The following ASPH variants were observed in gnomAD, a reference collection of about 807,000 sequenced individuals.
ASPH encodes aspartate beta-hydroxylase.
In ASPH, 100 loss-of-function variants were observed where a neutral mutation model predicts 118.4. The observed-to-expected ratio is 0.84, with a 90% CI of 0.72 to 1.00. The LOEUF (loss-of-function observed/expected upper bound fraction) is 1.00. Among genes scored for constraint, ASPH ranks in the 50% least tolerant of loss-of-function variants. The pLI, the probability that ASPH is intolerant of heterozygous loss-of-function variation, is 0.00. For missense variants in ASPH, 920 were observed against 919.5 expected, an observed-to-expected ratio of 1.00 and a Z score of -0.01; for synonymous variants, 315 against 325.6, an observed-to-expected ratio of 0.97 and a Z score of 0.35.
intron 14 of ASPH, among the ~76,000 whole-genome samples, chr8:61,598,187 A>G (rs1356646990): frequency 6.6e-6 from 1 of 152,232 alleles, no homozygotes; most frequent in Non-Finnish European, 1.5e-5. Flanking sequence ...TATAATCTGG[A>G]TAAACTGATA....
At chr8:61,546,330 G>A (rs1352547800) in intron 21 of ASPH, among the ~76,000 whole-genome samples, 1 of 152,148 alleles carries the variant, frequency 6.6e-6, no homozygotes, top group Non-Finnish European at 1.5e-5. Context: ...TCCGTGTTTT[G>A]AATTTGAAAG....
intron 13 of ASPH, among the ~76,000 whole-genome samples, chr8:61,621,288 T>A (rs1239664203): frequency 6.6e-6 from 1 of 150,430 alleles, no homozygotes; most frequent in Non-Finnish European, 1.5e-5. Context: ...TGCATTAGTT[T>A]TATATTGTTA....
intron 20 of ASPH, 64 bp from the exon 21 acceptor site, chr8:61,548,272 A>C: frequency 6.7e-7 from 1 of 1,499,236 alleles, no homozygotes; most frequent in Non-Finnish European, 8.9e-7. Flanking sequence ...ATTAATTTTA[A>C]AATTGAAAAC....
chr8:61,684,832 T>G (rs546498216), intron 1 of ASPH: 1 of 152,310 alleles, frequency 6.6e-6, no homozygotes, highest in East Asian at 1.9e-4. Context: ...CTTATATTCT[T>G]TTGTAAATAT....
At chr8:61,645,811 CCTG>C in intron 6 of ASPH, among the ~76,000 whole-genome samples, 1 of 152,300 alleles carries the variant, frequency 6.6e-6, no homozygotes, top group African/African-American at 2.4e-5. Flanking sequence ...GTAGGAGCTA[CCTG>C]CTGCTAAAGT....
chr8:61,579,209 C>G (rs1473143294), intron 15 of ASPH: 3 of 1,613,204 alleles, frequency 1.9e-6, no homozygotes, highest in Non-Finnish European at 2.5e-6. Flanking sequence ...AGAGGGCTTC[C>G]CTGGAGGCCG....
chr8:61,525,424 A>T (rs1814946232), intron 22 of ASPH, among the ~76,000 whole-genome samples: 1 of 152,052 alleles, frequency 6.6e-6, no homozygotes, highest in African/African-American at 2.4e-5. Context: ...AAGCTAAAAA[A>T]ATATGAAGTT....
chr8:61,521,868 C>T (rs1167427114), intron 22 of ASPH, among the ~76,000 whole-genome samples: 1 of 152,156 alleles, frequency 6.6e-6, no homozygotes, highest in Non-Finnish European at 1.5e-5. Flanking sequence ...TTATAAATTT[C>T]AAGGCTCTGC....
chr8:61,596,337 T>C (rs1020925078), intron 14 of ASPH, among the ~76,000 whole-genome samples: 4 of 152,230 alleles, frequency 2.6e-5, no homozygotes, highest in African/African-American at 9.6e-5. Flanking sequence ...CTTGAGAGCC[T>C]GAGGGTTGGC....
rs113041110 is a variant in ASPH, at chr8:61,620,764, A to T, written c.935-1745T>A. Among the ~76,000 whole-genome samples the T allele has an allele frequency of 2.0e-3, 299 of 152,344 alleles. 2 individuals carry two copies. Among genetic ancestry groups the T allele is most frequent in the African/African-American group, 6.9e-3 (286 of 41,582 alleles). On this transcript the variant is annotated intron_variant, in intron 13 of 24. Coordinates refer to ENST00000379454, the MANE Select transcript of ASPH (RefSeq NM_004318.4). ...AACACTGCAACCCTCCACATCCCCC[A>T]GTCATTGCATAAGGCTAATGTGATT...
chr8:61,549,023 G>GT (rs1824922841), intron 20 of ASPH, among the ~76,000 whole-genome samples: 3 of 152,154 alleles, frequency 2.0e-5, no homozygotes, highest in Admixed American at 2.0e-4. Flanking sequence ...ATGTTCCATT[G>GT]TCTTTTGAAT....
chr8:61,578,555 G>A (rs1836157174), intron 15 of ASPH: 2 of 1,522,454 alleles, frequency 1.3e-6, no homozygotes, highest in Admixed American at 3.3e-5. Flanking sequence ...TACGGTTCCT[G>A]GAGCAGCAGA....
rs1432663828 is a variant in ASPH at position 61,579,647 on chromosome 8, G to A, written c.1063-2789C>T. ...CATGTGATGGGAAGCTGGTGTCCGAGTCCTCTGACATCCTGCCCAAGTGAA... is the reference window on the plus strand; with the variant it reads ...CATGTGATGGGAAGCTGGTGTCCGAATCCTCTGACATCCTGCCCAAGTGAA... On this transcript the variant is annotated intron_variant, in intron 15 of 24. Transcript: ENST00000379454. The A allele has an allele frequency of 2.0e-6, 3 of 1,495,474 alleles. No homozygotes were observed. The African/African-American group carries it at 4.1e-5, about 20-fold the overall frequency. 92.6% of individuals were successfully genotyped at this position (1,495,474 alleles called of 1,614,324 possible).
chr8:61,511,755 C>T (rs1299559373), intron 24 of ASPH, among the ~76,000 whole-genome samples: 1 of 152,188 alleles, frequency 6.6e-6, no homozygotes, highest in African/African-American at 2.4e-5. Flanking sequence ...AGGCATTAGC[C>T]ACCATGCCCG....
chr8:61,534,770 C>T (rs894680368), intron 21 of ASPH, among the ~76,000 whole-genome samples: 1 of 152,162 alleles, frequency 6.6e-6, no homozygotes, highest in Non-Finnish European at 1.5e-5. Context: ...TTTGCTGAGG[C>T]AGTTAGTACA....
intron 21 of ASPH, among the ~76,000 whole-genome samples, chr8:61,539,863 A>C (rs1192841293): frequency 1.3e-5 from 2 of 152,090 alleles, no homozygotes; most frequent in African/African-American, 4.8e-5. Flanking sequence ...TTTACATCTA[A>C]ATTAGTGTGG....
At chr8:61,517,470 T>A (rs978173675) in intron 24 of ASPH, 58 bp downstream of exon 24, 18 of 1,588,722 alleles carry the variant, frequency 1.1e-5, no homozygotes, top group Admixed American at 5.1e-5. Context: ...ACAACTGTGT[T>A]GTAACAAACT....
chr8:61,620,951 G>A (rs1052739377), intron 13 of ASPH, among the ~76,000 whole-genome samples: 3 of 152,236 alleles, frequency 2.0e-5, no homozygotes, highest in African/African-American at 7.2e-5. Context: ...ATATAGAAGT[G>A]GAAGGTGCTG....
intron 3 of ASPH, among the ~76,000 whole-genome samples, chr8:61,673,647 G>T (rs569051068): frequency 6.6e-6 from 1 of 152,070 alleles, no homozygotes; most frequent in Non-Finnish European, 1.5e-5. Context: ...ACATGAGGTA[G>T]GAAAAGACTT....
Sources: allele counts gnomAD v4.1 joint callset (sites outside exome capture counted in the v4.1 genomes callset), GRCh38; gene constraint gnomAD v4.1.1; transcripts MANE v1.5; gene names NCBI Gene and HGNC (gene_info 2026-07-23, HGNC 2026-07-21).